The following SGCZ variants were observed in gnomAD, a reference collection of about 807,000 sequenced individuals.
SGCZ encodes the protein sarcoglycan zeta.
In SGCZ, 40 loss-of-function variants were observed where a neutral mutation model predicts 41.3. That is an observed-to-expected ratio of 0.97 (90% confidence interval 0.75 to 1.26). The LOEUF (loss-of-function observed/expected upper bound fraction) is 1.26. Among genes scored for constraint, SGCZ ranks in the 50% most tolerant of loss-of-function variants. SGCZ has a pLI of 0.00. For missense variants in SGCZ, 552 were observed against 369.8 expected, an observed-to-expected ratio of 1.49 and a Z score of -4.04; for synonymous variants, 206 against 137.5, an observed-to-expected ratio of 1.50 and a Z score of -3.49.
At chr8:14,332,808 G>C (rs1382111322) in intron 2 of SGCZ, 1 of 150,734 alleles carries the variant, frequency 6.6e-6, no homozygotes, top group Non-Finnish European at 1.5e-5. Context: ...AGAGTATGTA[G>C]ATATATAGAA....
intron 1 of SGCZ, among the ~76,000 whole-genome samples, chr8:14,718,219 T>G (rs1809757088): frequency 6.6e-6 from 1 of 151,966 alleles, no homozygotes; most frequent in South Asian, 2.1e-4. Context: ...AAAGATGGTT[T>G]TTCTTTTGAA....
intron 1 of SGCZ, among the ~76,000 whole-genome samples, chr8:14,961,593 T>A (rs2130851751): frequency 6.6e-6 from 1 of 152,262 alleles, no homozygotes; most frequent in East Asian, 1.9e-4. Context: ...TTAAACTTTA[T>A]CACATAGTAT....
intron 1 of SGCZ, among the ~76,000 whole-genome samples, chr8:15,045,988 C>T (rs1026593221): frequency 2.0e-5 from 3 of 152,092 alleles, no homozygotes; most frequent in Non-Finnish European, 4.4e-5. Context: ...AGAAGACTTT[C>T]ATTGTCTTTA....
intron 1 of SGCZ, among the ~76,000 whole-genome samples, chr8:15,051,418 T>A (rs1446838721): frequency 6.6e-6 from 1 of 152,178 alleles, no homozygotes; most frequent in Non-Finnish European, 1.5e-5. Flanking sequence ...CTCCTCTCGA[T>A]AGACATGTAG....
chr8:14,784,604 C>T (rs1473516253), intron 1 of SGCZ, among the ~76,000 whole-genome samples: 2 of 151,744 alleles, frequency 1.3e-5, no homozygotes, highest in Admixed American at 6.6e-5. Context: ...TGATAAGATG[C>T]ATGTAGATAA....
rs138380923 is a variant in SGCZ at position 14,874,016 on chromosome 8, CGAT to C, written c.40-319093_40-319091del. On this transcript the variant is annotated intron_variant, in intron 1 of 7. Transcript: ENST00000382080. ...CAACATTATGGGGCAAAAATAATTA[CGAT>C]GACTGAAAACCATGGAAAACTGTGA... 8.4e-3 allele frequency among the ~76,000 whole-genome samples: 1,276 copies of C among 152,118 alleles called. 13 individuals carry two copies. Among genetic ancestry groups the C allele is most frequent in the African/African-American group, 0.029 (1,193 of 41,520 alleles).
At chr8:14,724,262 A>G (rs1372238678) in intron 1 of SGCZ, among the ~76,000 whole-genome samples, 1 of 152,042 alleles carries the variant, frequency 6.6e-6, no homozygotes, top group African/African-American at 2.4e-5. Flanking sequence ...GCAAGGTGGA[A>G]ATACATGTAT....
At chr8:14,340,197 T>C (rs1802652818) in intron 2 of SGCZ, among the ~76,000 whole-genome samples, 1 of 152,158 alleles carries the variant, frequency 6.6e-6, no homozygotes, top group Non-Finnish European at 1.5e-5. Flanking sequence ...AAGGTTCTTA[T>C]TGTCATTAAT....
intron 1 of SGCZ, among the ~76,000 whole-genome samples, chr8:15,017,651 T>C (rs1291939163): frequency 6.6e-6 from 1 of 151,974 alleles, no homozygotes; most frequent in Non-Finnish European, 1.5e-5. Context: ...GACCACAGGC[T>C]CACATCATCA....
chr8:14,881,037 A>G (rs1804568459), intron 1 of SGCZ, among the ~76,000 whole-genome samples: 1 of 152,146 alleles, frequency 6.6e-6, no homozygotes, highest in Admixed American at 6.5e-5. Flanking sequence ...TTCAAGTTGT[A>G]TTATTTACTA....
chr8:15,229,990 T>C (rs138608336), intron 1 of SGCZ, among the ~76,000 whole-genome samples: 3 of 152,284 alleles, frequency 2.0e-5, no homozygotes, highest in Admixed American at 6.5e-5. Context: ...CAAAGACAAA[T>C]ATTTAGTAGG....
At chr8:14,505,850 T>G (rs977012102) in intron 2 of SGCZ, among the ~76,000 whole-genome samples, 1 of 152,136 alleles carries the variant, frequency 6.6e-6, no homozygotes, top group African/African-American at 2.4e-5. Context: ...GTATACTTAA[T>G]AAATCAGAAA....
chr8:14,197,748 T>C (rs998465404), intron 4 of SGCZ, among the ~76,000 whole-genome samples: 4 of 152,004 alleles, frequency 2.6e-5, no homozygotes, highest in Admixed American at 2.0e-4. Context: ...TAAGTTTCAG[T>C]TTAAAAAGCA....
intron 2 of SGCZ, among the ~76,000 whole-genome samples, chr8:14,441,820 T>C (rs963841816): frequency 6.6e-6 from 1 of 152,126 alleles, no homozygotes; most frequent in Non-Finnish European, 1.5e-5. Flanking sequence ...TTTCTATAGC[T>C]TTTTTTAACC....
intron 4 of SGCZ, among the ~76,000 whole-genome samples, chr8:14,197,438 A>C (rs1372166485): frequency 6.6e-6 from 1 of 152,136 alleles, no homozygotes; most frequent in Non-Finnish European, 1.5e-5. Flanking sequence ...AATATTAATA[A>C]AAATGATAAT....
At chr8:14,589,107 C>T (rs1805157321) in intron 1 of SGCZ, among the ~76,000 whole-genome samples, 2 of 152,084 alleles carry the variant, frequency 1.3e-5, no homozygotes, top group Non-Finnish European at 2.9e-5. Flanking sequence ...AAAAATGCAG[C>T]ACACCAACAT....
At chr8:14,153,768 C>A (rs1803786515) in intron 5 of SGCZ, among the ~76,000 whole-genome samples, 2 of 152,148 alleles carry the variant, frequency 1.3e-5, no homozygotes, top group South Asian at 4.2e-4. Flanking sequence ...GAAATCCTAA[C>A]CCTCAATGTG....
intron 1 of SGCZ, among the ~76,000 whole-genome samples, chr8:14,887,318 A>G (rs1804846886): frequency 1.3e-5 from 2 of 152,044 alleles, no homozygotes; most frequent in Admixed American, 1.3e-4. Context: ...GTCAACATTG[A>G]CTCCAATATT....
At chr8:14,352,538 T>A (rs1254684200) in intron 2 of SGCZ, among the ~76,000 whole-genome samples, 1 of 152,064 alleles carries the variant, frequency 6.6e-6, no homozygotes, top group Non-Finnish European at 1.5e-5. Flanking sequence ...ACACTGAATA[T>A]TACCAGGTGC....
Sources: gnomAD v4.1 joint callset for allele counts (sites outside exome capture counted in the v4.1 genomes callset) on GRCh38, gnomAD v4.1.1 for gene constraint, MANE v1.5 for transcripts, NCBI Gene and HGNC (gene_info 2026-07-23, HGNC 2026-07-21) for gene names.